PVT1: variants seen among roughly 807,000 people sequenced by gnomAD.
PVT1 encodes the protein CXCR4/PVT1 fusion.
chr8:128,047,677 G>A (rs1813635330), intron 4 of PVT1, among the ~76,000 whole-genome samples: 1 of 152,126 alleles, frequency 6.6e-6, no homozygotes, highest in African/African-American at 2.4e-5. Context: ...ACAGAAAAAC[G>A]AGACTCAGCT....
At chr8:128,091,205 C>T (rs1425604054) in intron 5 of PVT1, among the ~76,000 whole-genome samples, 1 of 152,162 alleles carries the variant, frequency 6.6e-6, no homozygotes, top group African/African-American at 2.4e-5. Flanking sequence ...CGGACTGTCC[C>T]GGCCTGGCAG....
chr8:127,886,523 A>T (rs1244873022), intron 2 of PVT1, among the ~76,000 whole-genome samples: 1 of 151,946 alleles, frequency 6.6e-6, no homozygotes, highest in Non-Finnish European at 1.5e-5. Context: ...TTTTTCTGTT[A>T]TTCAGATTAA....
intron 4 of PVT1, among the ~76,000 whole-genome samples, chr8:128,016,838 G>T (rs1355049220): frequency 6.6e-6 from 1 of 152,226 alleles, no homozygotes; most frequent in East Asian, 1.9e-4. Context: ...TGGAGGGTCT[G>T]ATGTCTCAGT....
chr8:128,066,348 G>A (rs1175818013), intron 4 of PVT1, among the ~76,000 whole-genome samples: 1 of 152,214 alleles, frequency 6.6e-6, no homozygotes, highest in Non-Finnish European at 1.5e-5. Context: ...CTGCTGATCA[G>A]TGCTATGTGT....
chr8:127,906,098 G>T (rs935652213), intron 3 of PVT1, among the ~76,000 whole-genome samples: 12 of 152,164 alleles, frequency 7.9e-5, no homozygotes, highest in African/African-American at 2.9e-4. Context: ...CTTGCAGATG[G>T]TCACATAATC....
chr8:127,976,404 C>T (rs548545251), intron 3 of PVT1, among the ~76,000 whole-genome samples: 2 of 152,280 alleles, frequency 1.3e-5, no homozygotes, highest in South Asian at 4.1e-4. Context: ...CCCTCAAACT[C>T]CACTGGCTAC....
intron 6 of PVT1, among the ~76,000 whole-genome samples, chr8:128,100,107 C>G (rs1814484396): frequency 6.8e-6 from 1 of 146,052 alleles, no homozygotes; most frequent in African/African-American, 2.5e-5. Flanking sequence ...CCCTCCCTCC[C>G]TCCCAACCTT....
At chr8:127,953,938 G>T (rs918170662) in intron 3 of PVT1, among the ~76,000 whole-genome samples, 1 of 152,130 alleles carries the variant, frequency 6.6e-6, no homozygotes, top group South Asian at 2.1e-4. Flanking sequence ...GCAAAGCATG[G>T]TCTAGGCAGG....
chr8:127,949,280 C>T (rs1386528678), intron 3 of PVT1, among the ~76,000 whole-genome samples: 1 of 151,964 alleles, frequency 6.6e-6, no homozygotes, highest in Non-Finnish European at 1.5e-5. Context: ...AAGGGCCCAC[C>T]CAGTAGTGCC....
chr8:127,937,580 C>CACACACACACAGAGAG (rs59006608), intron 3 of PVT1, among the ~76,000 whole-genome samples: 1 of 107,792 alleles, frequency 9.3e-6, no homozygotes, highest in African/African-American at 3.7e-5. Context: ...CACACACACA[C>CACACACACACAGAGAG]AGAGAGAGAG....
chr8:128,067,936 G>A (rs1453387480), intron 4 of PVT1, among the ~76,000 whole-genome samples: 2 of 144,386 alleles, frequency 1.4e-5, no homozygotes, highest in Non-Finnish European at 3.0e-5. Context: ...TTCTATTCTT[G>A]GACTAACATA....
intron 4 of PVT1, among the ~76,000 whole-genome samples, chr8:128,059,621 G>A (rs776355930): frequency 1.3e-5 from 2 of 152,166 alleles, no homozygotes; most frequent in Non-Finnish European, 2.9e-5. Flanking sequence ...CAGAGATGAC[G>A]AGGGGCAGTA....
At chr8:128,056,819 C>T (rs1466149878) in intron 4 of PVT1, among the ~76,000 whole-genome samples, 2 of 152,202 alleles carry the variant, frequency 1.3e-5, no homozygotes, top group Non-Finnish European at 2.9e-5. Flanking sequence ...ACGTCATAGG[C>T]GCTTCTGATC....
At chr8:127,880,188 G>T (rs1242591049) in intron 2 of PVT1, among the ~76,000 whole-genome samples, 1 of 152,198 alleles carries the variant, frequency 6.6e-6, no homozygotes, top group African/African-American at 2.4e-5. Context: ...TCAGGATTGT[G>T]TCTTTCATGT....
At chr8:127,887,928 C>CTTTTTT (rs1328761205) in intron 2 of PVT1, among the ~76,000 whole-genome samples, 2 of 56,956 alleles carry the variant, frequency 3.5e-5, no homozygotes, top group African/African-American at 6.4e-5. Context: ...CTCACTCTAT[C>CTTTTTT]TTGTTTTTTT....
At chr8:127,872,337 C>A (rs1280376117) in intron 2 of PVT1, among the ~76,000 whole-genome samples, 2 of 152,080 alleles carry the variant, frequency 1.3e-5, no homozygotes, top group Non-Finnish European at 1.5e-5. Context: ...CGCTTGAACC[C>A]AGGAGGTGGA....
At chr8:127,832,167 T>A (rs143567580) in intron 2 of PVT1, among the ~76,000 whole-genome samples, 5 of 152,106 alleles carry the variant, frequency 3.3e-5, no homozygotes, top group Non-Finnish European at 7.4e-5. Context: ...TCGGCATACA[T>A]CCCAGTGTTT....
At chr8:128,085,311 A>T (rs75018492) in intron 5 of PVT1, among the ~76,000 whole-genome samples, 2,435 of 152,244 alleles carry the variant, frequency 0.016, 65 homozygotes, top group African/African-American at 0.055. Flanking sequence ...GGGCATGGAA[A>T]ACTCCAAGTG....
intron 2 of PVT1, among the ~76,000 whole-genome samples, chr8:127,812,256 C>CAGGAAGGAAGGAAGGA (rs548047681): frequency 2.6e-4 from 31 of 119,284 alleles, no homozygotes; most frequent in African/African-American, 1.3e-3. Context: ...GGCAGGAAGG[C>CAGGAAGGAAGGAAGGA]AGGAAGGCAG....
Sources: gnomAD v4.1 joint callset for allele counts (sites outside exome capture counted in the v4.1 genomes callset) on GRCh38, gnomAD v4.1.1 for gene constraint, MANE v1.5 for transcripts, NCBI Gene and HGNC (gene_info 2026-07-23, HGNC 2026-07-21) for gene names.